Variants in PAX3 observed in about 807,000 individuals in gnomAD.
PAX3 encodes paired box 3, also known as paired box protein Pax-3.
A neutral mutation model predicts 51.6 loss-of-function variants in PAX3; 14 were observed. That is an observed-to-expected ratio of 0.27 (90% CI 0.18 to 0.42). The LOEUF (loss-of-function observed/expected upper bound fraction) is 0.42. Among genes scored for constraint, PAX3 ranks in the 10% least tolerant of loss-of-function variants. The pLI, the probability that PAX3 is intolerant of heterozygous loss-of-function variation, is 1.00. For missense variants in PAX3, 540 were observed against 642.8 expected (o/e 0.84, Z 1.73); for synonymous variants, 280 against 253.4 (o/e 1.11, Z -1.00).
chr2:222,295,484 C>G, intron 3 of PAX3, 44 bp downstream of exon 3: 1 of 1,607,736 alleles, frequency 6.2e-7, no homozygotes, highest in Non-Finnish European at 8.5e-7. Flanking sequence ...GGGGTAATAG[C>G]GACTGACTGT....
intron 4 of PAX3, among the ~76,000 whole-genome samples, chr2:222,268,224 C>T (rs1694120570): frequency 6.6e-6 from 1 of 152,194 alleles, no homozygotes; most frequent in Non-Finnish European, 1.5e-5. Context: ...ACATATTCGA[C>T]CTATCTGCAG....
At chr2:222,219,578 G>A (rs1692102169) in intron 7 of PAX3, among the ~76,000 whole-genome samples, 1 of 152,084 alleles carries the variant, frequency 6.6e-6, no homozygotes, top group South Asian at 2.1e-4. Flanking sequence ...TAGTCCCAAA[G>A]AGCAGTAATT....
chr2:222,293,729 C>G (rs750122824), intron 4 of PAX3: 1 of 1,614,132 alleles, frequency 6.2e-7, no homozygotes, highest in African/African-American at 1.3e-5. Context: ...TCCTTTAATG[C>G]GAGGAAACTC....
At chr2:222,238,949 G>A (rs1206971686) in intron 4 of PAX3, among the ~76,000 whole-genome samples, 1 of 152,178 alleles carries the variant, frequency 6.6e-6, no homozygotes, top group Non-Finnish European at 1.5e-5. Flanking sequence ...AACGTGAAGG[G>A]TACAATGGGA....
At chr2:222,225,391 C>T (rs1692347363) in intron 5 of PAX3, among the ~76,000 whole-genome samples, 1 of 151,712 alleles carries the variant, frequency 6.6e-6, no homozygotes, top group African/African-American at 2.4e-5. Context: ...TTGAAAGAGC[C>T]CCATAACATC....
rs563610168 is a variant in PAX3, at chr2:222,200,882, A to G, written c.*526T>C. ...TCTTTATTTCAATTTCCAGTGTGTA[A>G]GAGTCAAGGATTCCTCCATTCTTGC... is the stretch of plus-strand genomic sequence containing the variant. On this transcript the variant is annotated 3_prime_UTR_variant, in exon 9 of 9. Coordinates refer to ENST00000392070, the MANE Select transcript of PAX3 (RefSeq NM_181458.4). 1 of 476,746 alleles carries G rather than the reference A, an allele frequency of 2.1e-6. No homozygotes were observed. Among genetic ancestry groups the G allele is most frequent in the East Asian group, 3.5e-5 (1 of 28,202 alleles). 29.5% of individuals were successfully genotyped at this position (476,746 alleles called of 1,614,324 possible).
chr2:222,206,454 C>T (rs1268595922), intron 7 of PAX3, among the ~76,000 whole-genome samples: 1 of 152,094 alleles, frequency 6.6e-6, no homozygotes, highest in Admixed American at 6.5e-5. Context: ...GTTCCACATA[C>T]TGTTTCTAAA....
chr2:222,241,453 A>G (rs915982713), intron 4 of PAX3, among the ~76,000 whole-genome samples: 5 of 152,226 alleles, frequency 3.3e-5, no homozygotes, highest in Non-Finnish European at 5.9e-5. Context: ...GCTGCCGCTA[A>G]GTAACTGACT....
At position 222,202,571 on chromosome 2, in the gene PAX3, CTATT is replaced by C. The variant is rs368498312; in HGVS notation, c.1174-385_1174-382del. 2.2e-4 allele frequency among the ~76,000 whole-genome samples: 33 copies of C among 152,090 alleles called. 1 individual carries two copies. The East Asian group carries it at 5.4e-3, about 25-fold the overall frequency. The stretch of plus-strand genomic sequence containing the variant: ...TGTATCTGTTCATACAGAAAAATGT[CTATT>C]CATACATTATATCTGGAAGTTTCAC... On this transcript the variant is annotated intron_variant, in intron 7 of 8. Transcript: ENST00000392070.
chr2:222,257,863 C>T (rs1055292407), intron 4 of PAX3, among the ~76,000 whole-genome samples: 1 of 152,194 alleles, frequency 6.6e-6, no homozygotes, highest in Non-Finnish European at 1.5e-5. Flanking sequence ...CTGACTGCAT[C>T]GTCCCGGCTC....
intron 7 of PAX3, among the ~76,000 whole-genome samples, chr2:222,204,662 T>C (rs1691435502): frequency 6.6e-6 from 1 of 152,146 alleles, no homozygotes; most frequent in Admixed American, 6.5e-5. Context: ...ACAGGGCAAA[T>C]ATTTTACCAT....
At chr2:222,291,575 C>A (rs1324330829) in intron 4 of PAX3, among the ~76,000 whole-genome samples, 1 of 152,122 alleles carries the variant, frequency 6.6e-6, no homozygotes, top group Non-Finnish European at 1.5e-5. Flanking sequence ...CTAGTGTCTG[C>A]CAAGCAGACC....
In PAX3 at chr2:222,288,626, A is replaced by G. The variant is rs944560906; in HGVS notation, c.586+5541T>C. 3.3e-5 allele frequency among the ~76,000 whole-genome samples: 5 copies of G among 152,240 alleles called. 1 individual carries two copies. Among genetic ancestry groups the G allele is most frequent in the African/African-American group, 1.2e-4 (5 of 41,460 alleles). Reference sequence around the variant, plus strand: ...TGTATTTAGAAACTTAGCAACAGGCAGATAGTAGCTGCCATGCTTTCTGCC... The same window carrying G: ...TGTATTTAGAAACTTAGCAACAGGCGGATAGTAGCTGCCATGCTTTCTGCC... On this transcript the variant is annotated intron_variant, in intron 4 of 8. Coordinates refer to ENST00000392070, the MANE Select transcript of PAX3 (RefSeq NM_181458.4).
intron 4 of PAX3, among the ~76,000 whole-genome samples, chr2:222,243,322 A>G (rs7602662): frequency 0.12 from 18,717 of 152,296 alleles, 1,298 homozygotes; most frequent in African/African-American, 0.19. Flanking sequence ...TCCCTTCATT[A>G]TACAGATGAA....
chr2:222,257,206 A>ATT (rs11351476), intron 4 of PAX3, among the ~76,000 whole-genome samples: 14,539 of 149,198 alleles, frequency 0.097, 941 homozygotes, highest in East Asian at 0.31. Flanking sequence ...ATGGCTCAGC[A>ATT]TTTTTTTTTT....
At chr2:222,214,196 T>G (rs1272635407) in intron 7 of PAX3, among the ~76,000 whole-genome samples, 1 of 152,188 alleles carries the variant, frequency 6.6e-6, no homozygotes, top group Non-Finnish European at 1.5e-5. Flanking sequence ...TTGAGTTTTG[T>G]GTACACATAT....
rs1223847060 is a variant in PAX3 at position 222,297,005 on chromosome 2, A to T, written c.294T>A (p.Pro98=). Residue 98 remains proline, a synonymous_variant, in exon 2 of 9, where the codon CCT becomes CCA. Coordinates refer to ENST00000392070, the MANE Select transcript of PAX3 (RefSeq NM_181458.4). ...TGGGCTTGCTGCCGCCGATGGCACC[A>T]GGACGTATGGAGCCAGTCTCCTGGT... ...CRYQETGSIR[P]GAIGGSKPKQ... 3.7e-6 allele frequency: 6 copies of T among 1,613,752 alleles called. No homozygotes were observed. The African/African-American group carries it at 4.0e-5, about 11-fold the overall frequency.
chr2:222,199,950 G>A lies in PAX3; in HGVS notation c.*1458C>T, dbSNP rs1691232603. ...TATTTACTGCACTTTTTACATGAAA[G>A]ACATTTTTACAACACATTGTTGTTG... On this transcript the variant is annotated 3_prime_UTR_variant, in exon 9 of 9. Transcript: ENST00000392070. 1 of 188,712 alleles carries A rather than the reference G, an allele frequency of 5.3e-6. No individual in the cohort carries two copies. The highest frequency in any genetic ancestry group is 1.1e-5 in the Non-Finnish European group (1 of 89,430). The allele number at this position is 188,712 out of a possible 1,614,324, so 11.7% of individuals were successfully genotyped here. A position where few individuals can be genotyped will look rare whatever the true frequency, so the allele number is the denominator to read the frequency against.
At position 222,221,261 on chromosome 2, in the gene PAX3, G is replaced by T. The variant is rs756517394; in HGVS notation, c.919C>A (p.Leu307Met). The change falls in exon 6 of 9, where the codon CTG becomes ATG. Residue 307 changes from leucine to methionine, a missense_variant. Physicochemically the swap from Leu to Met is conservative, Grantham distance 15. Transcript: ENST00000392070. ...TAMPTLPTYQLSETSYQPTSI... is the reference protein window; with the variant it reads ...TAMPTLPTYQMSETSYQPTSI... ...GTGGGCTGGTAAGAGGTCTCCGACA[G>T]CTGGTACGTTGGCAAGGTCGGCATG... 8 of 1,613,952 alleles carry T rather than the reference G, an allele frequency of 5.0e-6. No individual in the cohort carries two copies. Among genetic ancestry groups the T allele is most frequent in the African/African-American group, 1.3e-5 (1 of 74,922 alleles).
Sources: gnomAD v4.1 joint callset for allele counts (sites outside exome capture counted in the v4.1 genomes callset) on GRCh38, gnomAD v4.1.1 for gene constraint, MANE v1.5 for transcripts, NCBI Gene and HGNC (gene_info 2026-07-23, HGNC 2026-07-21) for gene names.